CDH4: variants seen among roughly 807,000 people sequenced by gnomAD.
CDH4 encodes the protein cadherin-4.
A neutral mutation model predicts 86.0 loss-of-function variants in CDH4; 33 were observed. The ratio of observed to expected loss-of-function variants is 0.38; its 90% CI spans 0.29 to 0.51. The LOEUF (loss-of-function observed/expected upper bound fraction) is 0.51. Among genes scored for constraint, CDH4 ranks in the 20% least tolerant of loss-of-function variants. The pLI is 0.86. For synonymous variants in CDH4, 555 were observed against 549.4 expected, an observed-to-expected ratio of 1.01 and a Z score of -0.14; for missense variants, 1,114 against 1,307.4, an observed-to-expected ratio of 0.85 and a Z score of 2.28.
chr20:61,786,991 G>C (rs115770292), intron 4 of CDH4, among the ~76,000 whole-genome samples: 3,810 of 152,366 alleles, frequency 0.025, 152 homozygotes, highest in African/African-American at 0.086. Flanking sequence ...CTTGGAAAGA[G>C]ATGTCCTTCA....
intron 2 of CDH4, among the ~76,000 whole-genome samples, chr20:61,546,929 C>T (rs1475699031): frequency 1.3e-5 from 2 of 152,134 alleles, no homozygotes; most frequent in Admixed American, 6.5e-5. Context: ...CTTCTTCCGT[C>T]TCCGTGCCCA....
intron 2 of CDH4, among the ~76,000 whole-genome samples, chr20:61,525,139 G>C (rs2085901045): frequency 6.6e-6 from 1 of 152,158 alleles, no homozygotes; most frequent in Non-Finnish European, 1.5e-5. Flanking sequence ...TGATTCCCGG[G>C]TTTTATCCTA....
chr20:61,877,792 T>TG (rs1984098479), intron 7 of CDH4, among the ~76,000 whole-genome samples: 2 of 151,990 alleles, frequency 1.3e-5, no homozygotes, highest in Admixed American at 6.5e-5. Context: ...ACCAGCATCG[T>TG]GGGGGGACAG....
intron 2 of CDH4, among the ~76,000 whole-genome samples, chr20:61,266,877 A>G (rs895173297): frequency 6.6e-6 from 1 of 152,208 alleles, no homozygotes; most frequent in Non-Finnish European, 1.5e-5. Context: ...GGGTCTTTGC[A>G]GATGTAATCA....
Position 61,623,252 on chromosome 20 carries a change from G to A in CDH4, c.170-120311G>A, listed in dbSNP as rs1023072074. ...CGCTGCACCCCACTCACCACACTGC[G>A]GCGCCTGCTTTTTCCTTGAGCATCT... is the stretch of plus-strand genomic sequence containing the variant. On this transcript the variant is annotated intron_variant, in intron 2 of 15. Coordinates refer to ENST00000614565, the MANE Select transcript of CDH4 (RefSeq NM_001794.5). This position sits in a 1 kb window ranked among gnomAD's most constrained non-coding sequence, Gnocchi z 4.4. Among the ~76,000 whole-genome samples the A allele has an allele frequency of 4.6e-5, 7 of 152,102 alleles. No homozygotes were observed. The highest frequency in any genetic ancestry group is 9.7e-5 in the African/African-American group (4 of 41,426).
intron 2 of CDH4, among the ~76,000 whole-genome samples, chr20:61,333,455 A>G (rs1351661517): frequency 6.6e-6 from 1 of 152,186 alleles, no homozygotes; most frequent in Non-Finnish European, 1.5e-5. Context: ...TTCACTACAA[A>G]GGTCACCAGA....
rs79008583 is a variant in CDH4, at chr20:61,525,941, G to A, written c.170-217622G>A. 4.9e-4 allele frequency among the ~76,000 whole-genome samples: 75 copies of A among 152,306 alleles called. No individual in the cohort carries two copies. In the East Asian group the frequency reaches 0.011, roughly 23 times the overall value. On this transcript the variant is annotated intron_variant, in intron 2 of 15. Transcript: ENST00000614565. ...ACTGACCCTGTGGGGACAGCTCAGC[G>A]TTGGTGGTCAGCCAATCAGCTTGGC...
Position 61,635,043 on chromosome 20 carries a change from G to T in CDH4, c.170-108520G>T, listed in dbSNP as rs545615047. 1.2e-4 allele frequency among the ~76,000 whole-genome samples: 19 copies of T among 152,328 alleles called. 1 individual carries two copies. In the South Asian group the frequency reaches 3.7e-3, roughly 30 times the overall value. On this transcript the variant is annotated intron_variant, in intron 2 of 15. Coordinates refer to ENST00000614565, the MANE Select transcript of CDH4 (RefSeq NM_001794.5). The stretch of plus-strand genomic sequence containing the variant: ...ACTTTGCTTTCGTGCCCGTCTGCCC[G>T]TGGACACTGGGTTGGTTGCAGCCAC...
At chr20:61,464,705 A>G (rs1007342858) in intron 2 of CDH4, among the ~76,000 whole-genome samples, 9 of 152,212 alleles carry the variant, frequency 5.9e-5, no homozygotes, top group Non-Finnish European at 1.2e-4. Context: ...GGTAACTAAC[A>G]TAGGTGTCTC....
intron 4 of CDH4, among the ~76,000 whole-genome samples, chr20:61,816,973 A>G (rs1383670119): frequency 1.3e-5 from 2 of 152,242 alleles, no homozygotes; most frequent in African/African-American, 4.8e-5. Flanking sequence ...AAGGTGCCAG[A>G]GAACACCAGA....
chr20:61,785,033 C>T (rs528414093), intron 4 of CDH4, among the ~76,000 whole-genome samples: 3 of 152,224 alleles, frequency 2.0e-5, no homozygotes, highest in African/African-American at 4.8e-5. Context: ...CTGTGGCCGA[C>T]GCTTGGGCAC....
Position 61,928,442 on chromosome 20 carries a change from A to AC in CDH4, c.2005+20dup. ...CTGAACGGTGAGCCCGCCTTAGGCC[A>AC]CGGGGAGGGTCAGACTAGCCTGGGG... On this transcript the variant is annotated intron_variant, in intron 12 of 15. Transcript: ENST00000614565. 1 of 1,606,492 alleles carries AC rather than the reference A, an allele frequency of 6.2e-7. No individual in the cohort carries two copies. The highest frequency in any genetic ancestry group is 8.5e-7 in the Non-Finnish European group (1 of 1,175,994).
rs532022222 is a variant in CDH4 at position 61,575,778 on chromosome 20, T to A, written c.170-167785T>A. ...ATTATCTGGCCCGTTACAGAACATGTTTGCCAACTCCTGCTGAGCAGCATA... is the reference window on the plus strand; with the variant it reads ...ATTATCTGGCCCGTTACAGAACATGATTGCCAACTCCTGCTGAGCAGCATA... On this transcript the variant is annotated intron_variant, in intron 2 of 15. Coordinates refer to ENST00000614565, the MANE Select transcript of CDH4 (RefSeq NM_001794.5). 1.1e-4 allele frequency among the ~76,000 whole-genome samples: 16 copies of A among 152,360 alleles called. No homozygotes were observed. The South Asian group carries it at 3.3e-3, about 32-fold the overall frequency.
intron 2 of CDH4, among the ~76,000 whole-genome samples, chr20:61,446,235 C>A (rs2085349637): frequency 6.6e-6 from 1 of 152,208 alleles, no homozygotes; most frequent in African/African-American, 2.4e-5. Context: ...CCAAGGCCTA[C>A]TGCTATTTTC....
At chr20:61,806,151 A>G (rs1031359728) in intron 4 of CDH4, among the ~76,000 whole-genome samples, 3 of 152,266 alleles carry the variant, frequency 2.0e-5, no homozygotes, top group African/African-American at 7.2e-5. Flanking sequence ...GCAACAGCCT[A>G]TTCTGTAGGA....
At chr20:61,935,142 C>G (rs1009743392) in intron 15 of CDH4, among the ~76,000 whole-genome samples, 2 of 152,270 alleles carry the variant, frequency 1.3e-5, no homozygotes, top group Non-Finnish European at 2.9e-5. Flanking sequence ...TGCTTCTAGT[C>G]GGCGTGAGCC....
chr20:61,867,980 A>T (rs1457003641), intron 6 of CDH4, among the ~76,000 whole-genome samples: 2 of 152,226 alleles, frequency 1.3e-5, no homozygotes, highest in South Asian at 4.1e-4. Context: ...CCACATGGAA[A>T]TGGGGATATT....
chr20:61,330,614 C>A (rs1228779164), intron 2 of CDH4, among the ~76,000 whole-genome samples: 1 of 152,222 alleles, frequency 6.6e-6, no homozygotes, highest in Non-Finnish European at 1.5e-5. Flanking sequence ...GCCTTCTGGG[C>A]AGTGCACCTG....
At chr20:61,528,439 A>G (rs1233396428) in intron 2 of CDH4, among the ~76,000 whole-genome samples, 38 of 20,196 alleles carry the variant, frequency 1.9e-3, no homozygotes, top group Admixed American at 3.4e-3. Context: ...AGGGGAAGGG[A>G]GGGGAGGGGG....
Sources: gnomAD v4.1 joint callset for allele counts (sites outside exome capture counted in the v4.1 genomes callset) on GRCh38, gnomAD v4.1.1 for gene constraint, Gnocchi (gnomAD v3.1) non-coding constraint, MANE v1.5 for transcripts, NCBI Gene and HGNC (gene_info 2026-07-23, HGNC 2026-07-21) for gene names.